The following CHCHD6 variants were observed in gnomAD, a reference collection of about 807,000 sequenced individuals.
The protein encoded by CHCHD6 is MICOS complex subunit MIC25.
Under a neutral mutation model 32.3 loss-of-function variants are expected in CHCHD6, and 28 were observed. That is an observed-to-expected ratio of 0.87 (90% CI 0.64 to 1.19). The LOEUF (loss-of-function observed/expected upper bound fraction) is 1.19. Ranked by LOEUF, CHCHD6 falls within the 50% of genes most tolerant of loss-of-function variation. The pLI is 0.00. For synonymous variants in CHCHD6, 122 were observed against 117.5 expected, an observed-to-expected ratio of 1.04 and a Z score of -0.25; for missense variants, 333 against 307.0, an observed-to-expected ratio of 1.08 and a Z score of -0.63.
intron 4 of CHCHD6, among the ~76,000 whole-genome samples, chr3:126,761,529 A>G (rs1937162067): frequency 6.6e-6 from 1 of 152,194 alleles, no homozygotes; most frequent in Non-Finnish European, 1.5e-5. Context: ...GGGCTCAAGC[A>G]GTCCTCCTTC....
chr3:126,945,842 G>A (rs1479529025), intron 6 of CHCHD6, among the ~76,000 whole-genome samples: 3 of 151,820 alleles, frequency 2.0e-5, no homozygotes, highest in Admixed American at 1.3e-4. Flanking sequence ...GGAGACTTGA[G>A]GGGGGAAGTG....
intron 6 of CHCHD6, among the ~76,000 whole-genome samples, chr3:126,935,954 T>A (rs9878291): frequency 0.12 from 17,900 of 152,268 alleles, 1,220 homozygotes; most frequent in South Asian, 0.28. Flanking sequence ...TTGGGACTGA[T>A]GTGGCAGGAA....
chr3:126,790,767 A>T (rs1240127355), intron 4 of CHCHD6, among the ~76,000 whole-genome samples: 2 of 152,152 alleles, frequency 1.3e-5, no homozygotes, highest in Non-Finnish European at 2.9e-5. Flanking sequence ...GATGGGTTCA[A>T]ACTTCCTCCT....
intron 4 of CHCHD6, among the ~76,000 whole-genome samples, chr3:126,848,362 G>A (rs993937587): frequency 6.6e-6 from 1 of 152,072 alleles, no homozygotes; most frequent in African/African-American, 2.4e-5. Context: ...GATTTTAAAT[G>A]TATAATCTTT....
At chr3:126,907,339 A>G (rs553783917) in intron 5 of CHCHD6, among the ~76,000 whole-genome samples, 1 of 152,346 alleles carries the variant, frequency 6.6e-6, no homozygotes, top group Admixed American at 6.5e-5. Flanking sequence ...CTAGCCTCAT[A>G]AGTTTGCTAA....
intron 4 of CHCHD6, among the ~76,000 whole-genome samples, chr3:126,797,311 A>G (rs528309558): frequency 2.8e-4 from 42 of 152,354 alleles, no homozygotes; most frequent in Non-Finnish European, 4.9e-4. Context: ...GAAAGACCAC[A>G]TAAATAGACC....
chr3:126,863,339 T>TCGA (rs1942036139), intron 5 of CHCHD6, among the ~76,000 whole-genome samples: 1 of 25,712 alleles, frequency 3.9e-5, no homozygotes. Context: ...TCCTCCTCCA[T>TCGA]CACCTCCTCC....
chr3:126,778,111 C>T (rs2107679873), intron 4 of CHCHD6, among the ~76,000 whole-genome samples: 1 of 152,308 alleles, frequency 6.6e-6, no homozygotes, highest in South Asian at 2.1e-4. Context: ...TACTTCATTT[C>T]CTTCTACCAC....
At chr3:126,941,744 C>CTTT (rs2078563548) in intron 6 of CHCHD6, among the ~76,000 whole-genome samples, 1 of 152,170 alleles carries the variant, frequency 6.6e-6, no homozygotes, top group Admixed American at 6.5e-5. Context: ...GCTTCATCAC[C>CTTT]TTTTCTCTCT....
intron 4 of CHCHD6, among the ~76,000 whole-genome samples, chr3:126,812,714 G>A (rs1329255699): frequency 6.6e-6 from 1 of 151,944 alleles, no homozygotes; most frequent in African/African-American, 2.4e-5. Context: ...TTACAAGCAT[G>A]AGCCACCGTG....
chr3:126,955,272 G>C (rs1430913187), intron 6 of CHCHD6, among the ~76,000 whole-genome samples: 1 of 152,274 alleles, frequency 6.6e-6, no homozygotes, highest in Admixed American at 6.5e-5. Context: ...CGCCTGTGCG[G>C]CAGCTGACGC....
intron 7 of CHCHD6, 53 bp downstream of exon 7, chr3:126,957,604 G>A (rs1334070671): frequency 6.5e-7 from 1 of 1,538,672 alleles, no homozygotes; most frequent in South Asian, 1.2e-5. Flanking sequence ...GGTAGGCGAG[G>A]TACCTCTATC....
chr3:126,749,545 G>A lies in CHCHD6; in HGVS notation c.411+16323G>A, dbSNP rs532532418. On this transcript the variant is annotated intron_variant, in intron 4 of 7. Coordinates refer to ENST00000290913, the MANE Select transcript of CHCHD6 (RefSeq NM_032343.3). ...CAGTTATGGTCTAGATTGAGCTGCT[G>A]TAGCAGAGAGGCCCCCAGATACAGT... 6.6e-5 allele frequency among the ~76,000 whole-genome samples: 10 copies of A among 152,308 alleles called. No homozygotes were observed. The South Asian group carries it at 2.1e-3, about 32-fold the overall frequency.
At chr3:126,711,333 C>T (rs1253239952) in intron 1 of CHCHD6, among the ~76,000 whole-genome samples, 7 of 152,194 alleles carry the variant, frequency 4.6e-5, no homozygotes, top group Admixed American at 2.0e-4. Context: ...GGGATGTGTG[C>T]GGCAGACTTT....
chr3:126,734,413 G>A (rs1935950107), intron 4 of CHCHD6, among the ~76,000 whole-genome samples: 1 of 152,210 alleles, frequency 6.6e-6, no homozygotes, highest in Non-Finnish European at 1.5e-5. Context: ...GTAGAAGGGG[G>A]TTGAACACGA....
chr3:126,801,527 C>G (rs1939070504), intron 4 of CHCHD6, among the ~76,000 whole-genome samples: 1 of 152,214 alleles, frequency 6.6e-6, no homozygotes, highest in Non-Finnish European at 1.5e-5. Context: ...CCGACATTGC[C>G]CAGGCTTGCT....
chr3:126,949,362 C>T, intron 6 of CHCHD6: 2 of 234,382 alleles, frequency 8.5e-6, no homozygotes, highest in Non-Finnish European at 8.4e-6. Context: ...GAAGGGAAGG[C>T]TGCACAGACA....
At chr3:126,908,332 G>T (rs1366859877) in intron 5 of CHCHD6, among the ~76,000 whole-genome samples, 1 of 152,194 alleles carries the variant, frequency 6.6e-6, no homozygotes, top group African/African-American at 2.4e-5. Flanking sequence ...GCTTTGGTCG[G>T]ATTCTGTGCT....
At chr3:126,865,494 GC>G in intron 5 of CHCHD6, 6 of 870,364 alleles carry the variant, frequency 6.9e-6, no homozygotes, top group Non-Finnish European at 8.2e-6. Context: ...CACCAACTTC[GC>G]CTTCACCACC....
Sources: allele counts gnomAD v4.1 joint callset (sites outside exome capture counted in the v4.1 genomes callset), GRCh38; gene constraint gnomAD v4.1.1; transcripts MANE v1.5; gene names NCBI Gene and HGNC (gene_info 2026-07-23, HGNC 2026-07-21).